The following OR5M3 variants were observed in gnomAD, a reference collection of about 807,000 sequenced individuals.
The protein encoded by OR5M3 is olfactory receptor family 5 subfamily M member 3, also known as olfactory receptor 5M3.
For synonymous variants in OR5M3, 129 were observed against 131.3 expected, an observed-to-expected ratio of 0.98 and a Z score of 0.12; for missense variants, 384 against 378.6, an observed-to-expected ratio of 1.01 and a Z score of -0.12.
At chr11:56,472,036 T>C (rs1853672097) in intron 1 of OR5M3, among the ~76,000 whole-genome samples, 1 of 152,064 alleles carries the variant, frequency 6.6e-6, no homozygotes, top group African/African-American at 2.4e-5. Context: ...TAAATCACAA[T>C]GGATAGTGAA....
At position 56,472,286 on chromosome 11, in the gene OR5M3, T is replaced by C. The variant is rs559427302; in HGVS notation, c.-45+935A>G. 2.6e-5 allele frequency among the ~76,000 whole-genome samples: 4 copies of C among 152,220 alleles called. No individual in the cohort carries two copies. In the South Asian group the frequency reaches 8.3e-4, roughly 32 times the overall value. On this transcript the variant is annotated intron_variant, in intron 1 of 1. Transcript: ENST00000641993. ...TATACTGCCTTAGAATATATTTATA[T>C]ATAGACTGTAAAATCTGTTACAGAG...
In OR5M3 at chr11:56,469,670, A is replaced by G. The variant is rs372577037; in HGVS notation, c.828T>C (p.Tyr276=). 13 of 1,590,144 alleles carry G rather than the reference A, an allele frequency of 8.2e-6. No homozygotes were observed. The African/African-American group carries it at 1.7e-4, about 21-fold the overall frequency. ...GATTCAACATGGGGATCACTGTGGTATAGAACACAGCCACCATCTTCCCCT... is the reference window on the plus strand; with the variant it reads ...GATTCAACATGGGGATCACTGTGGTGTAGAACACAGCCACCATCTTCCCCT... ...VEQGKMVAVF[Y]TTVIPMLNPM... is the part of the protein sequence containing the mutation. The change falls in exon 2 of 2, where the codon TAT becomes TAC. Residue 276 remains tyrosine (Y), a synonymous_variant. Transcript: ENST00000641993.
chr11:56,469,914 T>C lies in OR5M3; in HGVS notation c.584A>G (p.Tyr195Cys). The C allele has an allele frequency of 1.2e-6, 2 of 1,612,628 alleles. No homozygotes were observed. The highest frequency in any genetic ancestry group is 1.1e-5 in the South Asian group (1 of 91,048). ...MACAGTFVKE[Y>C]TMIILAGINF... The stretch of plus-strand genomic sequence containing the variant: ...AATGCCGGCAAGTATGATCATTGTA[T>C]ATTCTTTTACAAAGGTCCCAGCACA... The change falls in exon 2 of 2, where the codon TAT (tyrosine) becomes TGT (cysteine). Residue 195 changes from tyrosine to cysteine, a missense_variant. Transcript: ENST00000641993.
At chr11:56,471,361 A>T (rs1470467229) in intron 1 of OR5M3, among the ~76,000 whole-genome samples, 1 of 152,040 alleles carries the variant, frequency 6.6e-6, no homozygotes, top group Non-Finnish European at 1.5e-5. Context: ...AATTCTAGGA[A>T]GGTTTCTTGT....
chr11:56,472,457 A>G (rs1853677239), intron 1 of OR5M3, among the ~76,000 whole-genome samples: 1 of 152,034 alleles, frequency 6.6e-6, no homozygotes, highest in Non-Finnish European at 1.5e-5. Context: ...TCTTATTTGG[A>G]AAGTCATATC....
chr11:56,469,902 A>G lies in OR5M3; in HGVS notation c.596T>C (p.Ile199Thr). 1 of 1,613,018 alleles carries G rather than the reference A, an allele frequency of 6.2e-7. No homozygotes were observed. Among genetic ancestry groups the G allele is most frequent in the Non-Finnish European group, 8.5e-7 (1 of 1,178,992 alleles). ...GTFVKEYTMIILAGINFTYSL... is the reference protein window; with the variant it reads ...GTFVKEYTMITLAGINFTYSL... Reference sequence around the variant, plus strand: ...ATATGTGAAGTTAATGCCGGCAAGTATGATCATTGTATATTCTTTTACAAA... The same window carrying G: ...ATATGTGAAGTTAATGCCGGCAAGTGTGATCATTGTATATTCTTTTACAAA... Residue 199 changes from isoleucine (I) to threonine (T), a missense_variant, in exon 2 of 2, where the codon ATA becomes ACA. Ile to Thr is a moderately conservative substitution (Grantham distance 89). Coordinates refer to ENST00000641993, the MANE Select transcript of OR5M3 (RefSeq NM_001004742.3).
Position 56,469,536 on chromosome 11 carries a change from T to C in OR5M3, c.*38A>G. On this transcript the variant is annotated 3_prime_UTR_variant, in exon 2 of 2. Coordinates refer to ENST00000641993, the MANE Select transcript of OR5M3 (RefSeq NM_001004742.3). ...TAATAAACTTTTTCCAAACAAATAATAGAAGATAAAATTAAATCAAATTTG... is the reference window on the plus strand; with the variant it reads ...TAATAAACTTTTTCCAAACAAATAACAGAAGATAAAATTAAATCAAATTTG... 1 of 1,333,738 alleles carries C rather than the reference T, an allele frequency of 7.5e-7. No individual in the cohort carries two copies. The highest frequency in any genetic ancestry group is 1.0e-6 in the Non-Finnish European group (1 of 979,378). The allele number at this position is 1,333,738 out of a possible 1,614,324, so 82.6% of individuals were successfully genotyped here.
At chr11:56,471,663 ATG>A (rs1327969467) in intron 1 of OR5M3, among the ~76,000 whole-genome samples, 10 of 151,888 alleles carry the variant, frequency 6.6e-5, no homozygotes, top group Non-Finnish European at 1.5e-4. Flanking sequence ...GTATATACAT[ATG>A]TATATATATA....
chr11:56,472,739 T>A (rs1853679999), intron 1 of OR5M3, among the ~76,000 whole-genome samples: 1 of 152,152 alleles, frequency 6.6e-6, no homozygotes, highest in South Asian at 2.1e-4. Flanking sequence ...CTTATTGAAT[T>A]ACTTTATTTC....
chr11:56,472,767 A>C (rs1018800228), intron 1 of OR5M3, among the ~76,000 whole-genome samples: 1 of 152,084 alleles, frequency 6.6e-6, no homozygotes, highest in Non-Finnish European at 1.5e-5. Context: ...AATGCCCATA[A>C]ATATGGATTC....
chr11:56,470,195 G>T lies in OR5M3; in HGVS notation c.303C>A (p.Phe101Leu), dbSNP rs1853652120. Residue 101 changes from phenylalanine (F) to leucine (L), a missense_variant, in exon 2 of 2, where the codon TTC becomes TTA. Physicochemically the swap from Phe to Leu is conservative, Grantham distance 22 (BLOSUM62 0). Coordinates refer to ENST00000641993, the MANE Select transcript of OR5M3 (RefSeq NM_001004742.3). ...TTTCCACATGGACAAGAGCAATGAA[G>T]AAGAAACACTGTACTAAACAACCAG... ...TYAGCLVQCF[F>L]FIALVHVEIF... is the part of the protein sequence containing the mutation. 2 of 1,613,638 alleles carry T rather than the reference G, an allele frequency of 1.2e-6. No homozygotes were observed. Among genetic ancestry groups the T allele is most frequent in the East Asian group, 4.5e-5 (2 of 44,888 alleles).
At chr11:56,472,613 G>T (rs550725774) in intron 1 of OR5M3, among the ~76,000 whole-genome samples, 23 of 152,038 alleles carry the variant, frequency 1.5e-4, no homozygotes, top group Non-Finnish European at 3.1e-4. Flanking sequence ...GAAACTAGGG[G>T]TTAGATTTCA....
In OR5M3 at chr11:56,470,018, C is replaced by T; in HGVS notation, c.480G>A (p.Trp160Ter). 1.2e-6 allele frequency: 2 copies of T among 1,613,454 alleles called. No individual in the cohort carries two copies. The highest frequency in any genetic ancestry group is 1.7e-6 in the Non-Finnish European group (2 of 1,179,520). ...TTCCACAGAAGTACAAGCCGTAAGT[C>T]CATAATGTTGCTGCCAGACTCGTCA... ...GFLTSLAATL[W>*]TYGLYFCGKI... Residue 160 changes from tryptophan (W) to a stop codon, truncating the protein, a stop_gained, in exon 2 of 2, where the codon TGG becomes TGA. Coordinates refer to ENST00000641993, the MANE Select transcript of OR5M3 (RefSeq NM_001004742.3). LOFTEE classifies it low-confidence loss of function (END_TRUNC).
chr11:56,470,405 C>T lies in OR5M3; in HGVS notation c.93G>A (p.Val31=). The change falls in exon 2 of 2, where the codon GTG becomes GTA. Residue 31 remains valine, a synonymous_variant. Coordinates refer to ENST00000641993, the MANE Select transcript of OR5M3 (RefSeq NM_001004742.3). ...TGCCCACCATGGTGATGATGTAGAC[C>T]ACAAGAAAGATGATGAAGAAGAGAA... The part of the protein sequence containing the change: ...WQVLFFIIFL[V]VYIITMVGNI... 3 of 1,613,376 alleles carry T rather than the reference C, an allele frequency of 1.9e-6. No homozygotes were observed. The highest frequency in any genetic ancestry group is 2.5e-6 in the Non-Finnish European group (3 of 1,179,596).
chr11:56,470,080 T>C lies in OR5M3; in HGVS notation c.418A>G (p.Ile140Val). Residue 140 changes from isoleucine to valine, a missense_variant, in exon 2 of 2, where the codon ATT becomes GTT. Ile to Val is a conservative substitution (Grantham distance 29). Coordinates refer to ENST00000641993, the MANE Select transcript of OR5M3 (RefSeq NM_001004742.3). The part of the protein sequence containing the change: ...YGSKMSRVVC[I>V]RLITFPYIYG... ...ATGTAAGGGAAAGTAATCAGTCGAA[T>C]ACAGACAACCCTTGACATTTTACTG... The C allele has an allele frequency of 1.2e-6, 2 of 1,607,186 alleles. 1 individual carries two copies. The highest frequency in any genetic ancestry group is 2.2e-5 in the South Asian group (2 of 90,948).
Position 56,469,777 on chromosome 11 carries a change from A to C in OR5M3, c.721T>G (p.Ser241Ala), listed in dbSNP as rs1853644076. Residue 241 changes from serine to alanine, a missense_variant, in exon 2 of 2, where the codon TCC becomes GCC. Physicochemically the swap from Ser to Ala is moderately conservative, Grantham distance 99 (BLOSUM62 1). Transcript: ENST00000641993. Reference sequence around the variant, plus strand: ...AATATAATGACAGCTGTCAGATGGGACCCACATGTGGAAAAGGCCTTCTGC... The same window carrying C: ...AATATAATGACAGCTGTCAGATGGGCCCCACATGTGGAAAAGGCCTTCTGC... The part of the protein sequence containing the change: ...GRQKAFSTCG[S>A]HLTAVIIFYG... 1 of 1,612,892 alleles carries C rather than the reference A, an allele frequency of 6.2e-7. No individual in the cohort carries two copies. Among genetic ancestry groups the C allele is most frequent in the East Asian group, 2.2e-5 (1 of 44,866 alleles).
chr11:56,470,594 C>T, intron 1 of OR5M3, 53 bp from the exon 2 acceptor site: 3 of 664,300 alleles, frequency 4.5e-6, no homozygotes, highest in Admixed American at 6.4e-5. Flanking sequence ...TTTATACCTT[C>T]AGATGCTCCC....
chr11:56,470,414 G>C lies in OR5M3; in HGVS notation c.84C>G (p.Ile28Met), dbSNP rs150513236. 3 of 1,612,892 alleles carry C rather than the reference G, an allele frequency of 1.9e-6. No individual in the cohort carries two copies. The highest frequency in any genetic ancestry group is 2.5e-6 in the Non-Finnish European group (3 of 1,179,344). The change falls in exon 2 of 2, where the codon ATC becomes ATG. Residue 28 changes from isoleucine to methionine, a missense_variant. Physicochemically the swap from Ile to Met is conservative, Grantham distance 10. Coordinates refer to ENST00000641993, the MANE Select transcript of OR5M3 (RefSeq NM_001004742.3). ...TGGTGATGATGTAGACCACAAGAAA[G>C]ATGATGAAGAAGAGAACTTGCCATT... The part of the protein sequence containing the change: ...RREWQVLFFI[I>M]FLVVYIITMV...
At position 56,470,537 on chromosome 11, in the gene OR5M3, G is replaced by T. The variant is rs756191625; in HGVS notation, c.-40C>A. ...GTCAATATCAGTTACAAAACTTTTT[G>T]ATAACTAAAATAAAATAAAGGAAAT... On this transcript the variant is annotated 5_prime_UTR_variant, in exon 2 of 2. Transcript: ENST00000641993. 2.6e-6 allele frequency: 3 copies of T among 1,151,318 alleles called. No individual in the cohort carries two copies. The highest frequency in any genetic ancestry group is 1.7e-5 in the South Asian group (1 of 59,280). 71.3% of individuals were successfully genotyped at this position (1,151,318 alleles called of 1,614,324 possible).
Sources: gnomAD v4.1 joint callset for allele counts (sites outside exome capture counted in the v4.1 genomes callset) on GRCh38, gnomAD v4.1.1 for gene constraint, MANE v1.5 for transcripts, NCBI Gene and HGNC (gene_info 2026-07-23, HGNC 2026-07-21) for gene names.